FBLN7: variants seen among roughly 807,000 people sequenced by gnomAD.
FBLN7 encodes fibulin 7.
Under a neutral mutation model 44.0 loss-of-function variants are expected in FBLN7, and 31 were observed. The ratio of observed to expected loss-of-function variants is 0.70; its 90% CI spans 0.53 to 0.95. The LOEUF is 0.95. Ranked by LOEUF, FBLN7 falls within the 40% of genes least tolerant of loss-of-function variation. The pLI, the probability that FBLN7 is intolerant of heterozygous loss-of-function variation, is 0.00. For missense variants in FBLN7, 573 were observed against 618.5 expected (o/e 0.93, Z 0.78); for synonymous variants, 262 against 253.4 (o/e 1.03, Z -0.32).
chr2:112,166,496 C>G (rs917688857), intron 3 of FBLN7, among the ~76,000 whole-genome samples: 13 of 152,172 alleles, frequency 8.5e-5, no homozygotes, highest in Non-Finnish European at 1.8e-4. Flanking sequence ...TTTCCTGACC[C>G]CTGGAAAGAG....
At chr2:112,233,771 A>G in the FBLN7 span, among the ~76,000 whole-genome samples, 1 of 152,140 alleles carries the variant, frequency 6.6e-6, no homozygotes, top group Non-Finnish European at 1.5e-5. Context: ...TGGGAGGCTG[A>G]GGCAGGAGAA....
the FBLN7 span, among the ~76,000 whole-genome samples, chr2:112,227,663 T>G: frequency 6.6e-6 from 1 of 152,184 alleles, no homozygotes; most frequent in African/African-American, 2.4e-5. Flanking sequence ...AGAAATAAAT[T>G]CTATTTCTAC....
chr2:112,195,272 C>T, the FBLN7 span, among the ~76,000 whole-genome samples: 2 of 152,156 alleles, frequency 1.3e-5, no homozygotes, highest in African/African-American at 2.4e-5. Context: ...GCTCAGGGAG[C>T]GCTTTAGATG....
the FBLN7 span, chr2:112,231,071 T>C: frequency 1.7e-6 from 1 of 602,364 alleles, no homozygotes; most frequent in Non-Finnish European, 2.3e-6. Flanking sequence ...CATCTAATAT[T>C]ATTTACTACT....
the FBLN7 span, among the ~76,000 whole-genome samples, chr2:112,219,712 T>C: frequency 6.6e-6 from 1 of 152,032 alleles, no homozygotes; most frequent in Non-Finnish European, 1.5e-5. Flanking sequence ...TTTTAGAGTA[T>C]GTGTTATGTG....
In FBLN7 at chr2:112,138,535, C is replaced by G; in HGVS notation, c.-121C>G. 2.2e-6 allele frequency: 3 copies of G among 1,380,360 alleles called. No homozygotes were observed. The highest frequency in any genetic ancestry group is 2.9e-6 in the Non-Finnish European group (3 of 1,022,690). The allele number at this position is 1,380,360 out of a possible 1,614,324, so 85.5% of individuals were successfully genotyped here. A position where few individuals can be genotyped will look rare whatever the true frequency, so the allele number is the denominator to read the frequency against. On this transcript the variant is annotated 5_prime_UTR_variant, in exon 1 of 8. Transcript: ENST00000331203. ...CCTCCCGCCTCCCCCCCTGCCCCAGCCGCCCCCCGGCCGCGCGGCGCCCCG... is the reference window on the plus strand; with the variant it reads ...CCTCCCGCCTCCCCCCCTGCCCCAGGCGCCCCCCGGCCGCGCGGCGCCCCG...
the FBLN7 span, chr2:112,238,521 T>G: frequency 6.3e-7 from 1 of 1,597,144 alleles, no homozygotes; most frequent in African/African-American, 1.4e-5. Flanking sequence ...TATTGCAGAG[T>G]GTCTAAACTA....
intron 3 of FBLN7, among the ~76,000 whole-genome samples, chr2:112,174,687 G>A (rs1367005986): frequency 6.6e-6 from 1 of 152,122 alleles, no homozygotes; most frequent in African/African-American, 2.4e-5. Context: ...GTGGCCTATG[G>A]GGTTTTTTTT....
At chr2:112,230,838 T>C in the FBLN7 span, 3 of 1,076,322 alleles carry the variant, frequency 2.8e-6, no homozygotes, top group Middle Eastern at 2.2e-4. Flanking sequence ...CCTATTGAGG[T>C]TGCATGCCAA....
chr2:112,171,804 T>C (rs980410902), intron 3 of FBLN7, among the ~76,000 whole-genome samples: 4 of 152,224 alleles, frequency 2.6e-5, no homozygotes, highest in Non-Finnish European at 4.4e-5. Context: ...CTTTATTAAA[T>C]GGCACAATCT....
At chr2:112,157,097 C>T (rs567238515) in intron 1 of FBLN7, among the ~76,000 whole-genome samples, 15 of 152,280 alleles carry the variant, frequency 9.9e-5, no homozygotes, top group African/African-American at 1.4e-4. Flanking sequence ...AGACTGGGTG[C>T]GGTGGCTCAC....
chr2:112,224,174 T>A, the FBLN7 span, among the ~76,000 whole-genome samples: 3 of 152,220 alleles, frequency 2.0e-5, no homozygotes, highest in Admixed American at 6.5e-5. Context: ...ATAATATTAA[T>A]GATATTTGAA....
At chr2:112,142,782 GTC>G (rs2104533929) in intron 1 of FBLN7, among the ~76,000 whole-genome samples, 1 of 152,192 alleles carries the variant, frequency 6.6e-6, no homozygotes, top group South Asian at 2.1e-4. Context: ...GTGTGTGTGT[GTC>G]AATAGATGTA....
rs773880260 is a variant in FBLN7, at chr2:112,165,164, C to T, written c.399C>T (p.His133=). ...GCACCTGGACAGGGGAGCAGCCCCA[C>T]TGTAGAGGTATCGTCTCTCCTTCCC... ...PNGTWTGEQP[H]CRGISECSSQ... is the part of the protein sequence containing the mutation. The change falls in exon 3 of 8, where the codon CAC becomes CAT. Residue 133 remains histidine (H), a synonymous_variant. Coordinates refer to ENST00000331203, the MANE Select transcript of FBLN7 (RefSeq NM_153214.3). 1 of 1,614,002 alleles carries T rather than the reference C, an allele frequency of 6.2e-7. No individual in the cohort carries two copies. The highest frequency in any genetic ancestry group is 1.3e-5 in the African/African-American group (1 of 74,938).
the FBLN7 span, among the ~76,000 whole-genome samples, chr2:112,195,719 G>A: frequency 5.9e-5 from 9 of 152,172 alleles, no homozygotes; most frequent in East Asian, 1.9e-4. Flanking sequence ...GTTTGCAGCC[G>A]TTCTAAGCAT....
the FBLN7 span, among the ~76,000 whole-genome samples, chr2:112,237,957 CT>C: frequency 6.6e-6 from 1 of 152,174 alleles, no homozygotes; most frequent in Non-Finnish European, 1.5e-5. Flanking sequence ...GAGTTACAGT[CT>C]GACATACAAC....
At chr2:112,207,308 A>C in the FBLN7 span, among the ~76,000 whole-genome samples, 6 of 152,222 alleles carry the variant, frequency 3.9e-5, no homozygotes, top group African/African-American at 1.4e-4. Flanking sequence ...CTCTACTAAA[A>C]ATACAAAAAT....
At chr2:112,240,992 T>TGC in the FBLN7 span, among the ~76,000 whole-genome samples, 1,001 of 143,794 alleles carry the variant, frequency 7.0e-3, 8 homozygotes, top group South Asian at 0.048. Flanking sequence ...TGTGCGCGTG[T>TGC]GTATGTGTGT....
Position 112,181,865 on chromosome 2 carries a change from G to T in FBLN7, c.659G>T (p.Ser220Ile). The change falls in exon 5 of 8, where the codon AGC (serine) becomes ATC (isoleucine). Residue 220 changes from serine (S) to isoleucine (I), a missense_variant. Physicochemically the swap from Ser to Ile is moderately radical, Grantham distance 142. Transcript: ENST00000331203. ...CACCTGAGCGGCGCCGCCGGCGACA[G>T]CGTCTGCCAGGGTAGGCGCGGGCTC... is the stretch of plus-strand genomic sequence containing the variant. Reference protein sequence around the residue: ...GFHLSGAAGDSVCQDVNECEL... With the variant: ...GFHLSGAAGDIVCQDVNECEL... 1 of 1,531,454 alleles carries T rather than the reference G, an allele frequency of 6.5e-7. No individual in the cohort carries two copies. The highest frequency in any genetic ancestry group is 8.7e-7 in the Non-Finnish European group (1 of 1,144,626). 94.9% of individuals were successfully genotyped at this position (1,531,454 alleles called of 1,614,324 possible). A position where few individuals can be genotyped will look rare whatever the true frequency, so the allele number is the denominator to read the frequency against.
Sources: allele counts gnomAD v4.1 joint callset (sites outside exome capture counted in the v4.1 genomes callset), GRCh38; gene constraint gnomAD v4.1.1; transcripts MANE v1.5; gene names NCBI Gene and HGNC (gene_info 2026-07-23, HGNC 2026-07-21).